The following ATXN1 variants were observed in gnomAD, a reference collection of about 807,000 sequenced individuals.
ATXN1 encodes the protein ataxin 1.
Under a neutral mutation model 56.4 loss-of-function variants are expected in ATXN1, and 8 were observed. The ratio of observed to expected loss-of-function variants is 0.14; its 90% CI spans 0.08 to 0.26. The LOEUF (loss-of-function observed/expected upper bound fraction) is 0.26. Among genes scored for constraint, ATXN1 ranks in the 10% least tolerant of loss-of-function variants. The pLI, the probability that ATXN1 is intolerant of heterozygous loss-of-function variation, is 1.00. For missense variants in ATXN1, 987 were observed against 1,106.5 expected (o/e 0.89, Z 1.53); for synonymous variants, 514 against 494.6 (o/e 1.04, Z -0.52).
Position 16,749,300 on chromosome 6 carries a change from T to C in ATXN1, c.-615+3933A>G, listed in dbSNP as rs1760637305. On this transcript the variant is annotated intron_variant, in intron 2 of 7. Transcript: ENST00000436367. ...TCATGTGAGATGAATAAATCAACGG[T>C]AGAAAAGATCAAAGAAATGCTGGAA... 2.0e-5 allele frequency among the ~76,000 whole-genome samples: 3 copies of C among 152,142 alleles called. No homozygotes were observed. In the South Asian group the frequency reaches 6.2e-4, roughly 31 times the overall value.
intron 6 of ATXN1, among the ~76,000 whole-genome samples, chr6:16,461,101 G>C (rs1759985124): frequency 6.6e-6 from 1 of 152,184 alleles, no homozygotes; most frequent in Non-Finnish European, 1.5e-5. Flanking sequence ...AAGGCAGAAG[G>C]AAACCACTGG....
intron 6 of ATXN1, among the ~76,000 whole-genome samples, chr6:16,454,125 C>CAAAAAAAAAAAAAAAAAAAAAAAAAAA (rs56277549): frequency 1.3e-5 from 1 of 76,666 alleles, no homozygotes; most frequent in Non-Finnish European, 2.3e-5. Flanking sequence ...GACTCTGTCT[C>CAAAAAAAAAAAAAAAAAAAAAAAAAAA]AAAAAAAAAA....
chr6:16,742,805 G>A (rs1446120123), intron 2 of ATXN1, among the ~76,000 whole-genome samples: 1 of 152,172 alleles, frequency 6.6e-6, no homozygotes, highest in Non-Finnish European at 1.5e-5. Flanking sequence ...AGGGTTTGCA[G>A]AAGAAGGTTT....
chr6:16,414,714 G>A (rs749940389), intron 6 of ATXN1, among the ~76,000 whole-genome samples: 1 of 152,136 alleles, frequency 6.6e-6, no homozygotes, highest in South Asian at 2.1e-4. Context: ...TTATCTATCC[G>A]AATGCAGTAA....
intron 2 of ATXN1, chr6:16,737,689 A>G (rs1392659031): frequency 6.6e-6 from 1 of 152,222 alleles, no homozygotes; most frequent in African/African-American, 2.4e-5. Flanking sequence ...AATATTCAGA[A>G]TAACACACTA....
intron 6 of ATXN1, among the ~76,000 whole-genome samples, chr6:16,457,403 G>A (rs1452155035): frequency 2.0e-5 from 3 of 151,192 alleles, no homozygotes; most frequent in Admixed American, 6.6e-5. Context: ...AAAAAAAACT[G>A]CAGGCGGTTT....
chr6:16,540,648 A>G (rs1228675980), intron 4 of ATXN1, among the ~76,000 whole-genome samples: 1 of 152,214 alleles, frequency 6.6e-6, no homozygotes, highest in Admixed American at 6.5e-5. Flanking sequence ...TGGGATTCAA[A>G]GCCAAGGAGT....
At chr6:16,641,911 T>A (rs1483009060) in intron 3 of ATXN1, among the ~76,000 whole-genome samples, 1 of 152,182 alleles carries the variant, frequency 6.6e-6, no homozygotes, top group Non-Finnish European at 1.5e-5. Flanking sequence ...AGAAGTTGAT[T>A]CCAACCCCCA....
intron 4 of ATXN1, among the ~76,000 whole-genome samples, chr6:16,553,650 G>A (rs1378216877): frequency 6.6e-6 from 1 of 152,126 alleles, no homozygotes; most frequent in Non-Finnish European, 1.5e-5. Context: ...TAGAATCCGT[G>A]GTTCTGAATA....
chr6:16,716,546 G>A (rs1212519591), intron 2 of ATXN1, among the ~76,000 whole-genome samples: 1 of 152,136 alleles, frequency 6.6e-6, no homozygotes, highest in African/African-American at 2.4e-5. Flanking sequence ...CTGAATTGTG[G>A]CAGGGTTGTG....
At chr6:16,743,127 G>A (rs866616458) in intron 2 of ATXN1, among the ~76,000 whole-genome samples, 8 of 152,212 alleles carry the variant, frequency 5.3e-5, no homozygotes, top group African/African-American at 1.7e-4. Context: ...TTTTTTCAAT[G>A]AGGAGGAAGA....
chr6:16,566,835 A>G (rs1581849286), intron 4 of ATXN1, among the ~76,000 whole-genome samples: 1 of 151,866 alleles, frequency 6.6e-6, no homozygotes, highest in Non-Finnish European at 1.5e-5. Context: ...CAGCCTGGGC[A>G]ACAGAGTGAG....
intron 2 of ATXN1, among the ~76,000 whole-genome samples, chr6:16,669,823 A>G (rs1387919140): frequency 1.3e-5 from 2 of 151,966 alleles, no homozygotes; most frequent in Non-Finnish European, 2.9e-5. Context: ...ATTTGTCCAA[A>G]TGGAACTCAG....
At chr6:16,550,860 T>C (rs1761909532) in intron 4 of ATXN1, among the ~76,000 whole-genome samples, 1 of 152,240 alleles carries the variant, frequency 6.6e-6, no homozygotes, top group South Asian at 2.1e-4. Context: ...TTGAAAACAT[T>C]TTCCAAAATG....
At chr6:16,440,590 A>C (rs900006489) in intron 6 of ATXN1, among the ~76,000 whole-genome samples, 1 of 147,992 alleles carries the variant, frequency 6.8e-6, no homozygotes, top group African/African-American at 2.5e-5. Flanking sequence ...GCAGTGAGCC[A>C]AAATAGCACC....
At chr6:16,607,239 T>C (rs1483306209) in intron 3 of ATXN1, among the ~76,000 whole-genome samples, 8 of 152,330 alleles carry the variant, frequency 5.3e-5, no homozygotes, top group East Asian at 1.9e-4. Flanking sequence ...GGGAAAGTTA[T>C]ACCCTCTCTA....
At chr6:16,422,047 GTT>G (rs34554293) in intron 6 of ATXN1, among the ~76,000 whole-genome samples, 5 of 148,270 alleles carry the variant, frequency 3.4e-5, no homozygotes, top group African/African-American at 1.2e-4. Flanking sequence ...GTATATAAGG[GTT>G]TTTTTTTTTA....
Position 16,735,640 on chromosome 6 carries a change from T to C in ATXN1, c.-615+17593A>G, listed in dbSNP as rs888414875. On this transcript the variant is annotated intron_variant, in intron 2 of 7. Transcript: ENST00000436367. ...CAAAATCCAGCAGTAATTTAAAGTA[T>C]GAAGATATCTACCACTCACCTGTAG... Among the ~76,000 whole-genome samples, 3 of 152,172 alleles carry C rather than the reference T, an allele frequency of 2.0e-5. No individual in the cohort carries two copies. The East Asian group carries it at 5.8e-4, about 29-fold the overall frequency.
At chr6:16,616,154 A>G (rs1194159978) in intron 3 of ATXN1, 1 of 152,230 alleles carries the variant, frequency 6.6e-6, no homozygotes, top group Non-Finnish European at 1.5e-5. Flanking sequence ...ATATTAAAAT[A>G]CAGGAGACAA....
Sources: allele counts gnomAD v4.1 joint callset (sites outside exome capture counted in the v4.1 genomes callset), GRCh38; gene constraint gnomAD v4.1.1; transcripts MANE v1.5; gene names NCBI Gene and HGNC (gene_info 2026-07-23, HGNC 2026-07-21).